MAF: variants seen among roughly 807,000 people sequenced by gnomAD.
MAF encodes MAF bZIP transcription factor, also known as transcription factor Maf.
A neutral mutation model predicts 22.0 loss-of-function variants in MAF; 10 were observed. The ratio of observed to expected loss-of-function variants is 0.45; its 90% CI spans 0.28 to 0.77. MAF has a LOEUF of 0.77. Among genes scored for constraint, MAF ranks in the 30% least tolerant of loss-of-function variants. The probability of loss-of-function intolerance (pLI) is 0.12; values close to 1 mark genes in which losing one functional copy is unlikely to be tolerated. For missense variants in MAF, 544 were observed against 548.4 expected (o/e 0.99, Z 0.08); for synonymous variants, 337 against 255.8 (o/e 1.32, Z -3.03).
At chr16:79,573,666 T>C in the MAF span, among the ~76,000 whole-genome samples, 5 of 152,218 alleles carry the variant, frequency 3.3e-5, no homozygotes, top group African/African-American at 1.2e-4. Context: ...CTTAAAATAA[T>C]TAAAGCTTAA....
At chr16:79,262,964 T>G in the MAF span, among the ~76,000 whole-genome samples, 1 of 152,296 alleles carries the variant, frequency 6.6e-6, no homozygotes, top group African/African-American at 2.4e-5. Flanking sequence ...AGATACACAT[T>G]TATCCCATAG....
At chr16:79,359,247 G>A in the MAF span, among the ~76,000 whole-genome samples, 1 of 152,116 alleles carries the variant, frequency 6.6e-6, no homozygotes, top group Non-Finnish European at 1.5e-5. Context: ...TCATCTTGTT[G>A]CCATGTACCC....
At chr16:79,371,160 G>A in the MAF span, among the ~76,000 whole-genome samples, 1 of 151,808 alleles carries the variant, frequency 6.6e-6, no homozygotes, top group African/African-American at 2.4e-5. Context: ...TGGTGGGAGT[G>A]CCTGGAGGGC....
the MAF span, among the ~76,000 whole-genome samples, chr16:79,532,204 C>A: frequency 6.6e-6 from 1 of 152,164 alleles, no homozygotes; most frequent in Non-Finnish European, 1.5e-5. Flanking sequence ...TCTCCAATTT[C>A]TTGGATGGAG....
At chr16:79,596,510 T>A in intron 1 of MAF, 1 of 1,050,434 alleles carries the variant, frequency 9.5e-7, no homozygotes, top group East Asian at 5.5e-5. Flanking sequence ...TATTGTAGAT[T>A]ATTCTTTTCT....
At chr16:79,276,031 C>A in the MAF span, among the ~76,000 whole-genome samples, 1 of 152,004 alleles carries the variant, frequency 6.6e-6, no homozygotes, top group African/African-American at 2.4e-5. Context: ...ATCCCACCTA[C>A]TCGGGAGGCT....
At chr16:79,264,331 G>C in the MAF span, 1 of 152,184 alleles carries the variant, frequency 6.6e-6, no homozygotes, top group Non-Finnish European at 1.5e-5. Context: ...CGGAGACTGT[G>C]CTAAACACAT....
chr16:79,550,127 C>G, the MAF span, among the ~76,000 whole-genome samples: 2 of 152,102 alleles, frequency 1.3e-5, no homozygotes, highest in Non-Finnish European at 2.9e-5. Flanking sequence ...CCTTTTGTTC[C>G]CCCAGGGCAT....
the MAF span, among the ~76,000 whole-genome samples, chr16:79,486,463 CAT>C: frequency 0.02 from 3,004 of 152,154 alleles, 80 homozygotes; most frequent in African/African-American, 0.065. Flanking sequence ...AAAACATAAA[CAT>C]AACAATATTT....
chr16:79,516,008 A>G, the MAF span: 1 of 146,462 alleles, frequency 6.8e-6, no homozygotes, highest in South Asian at 2.2e-4. Context: ...AATGAGGACC[A>G]GAGAGATGAA....
At chr16:79,375,982 A>G in the MAF span, among the ~76,000 whole-genome samples, 3 of 152,194 alleles carry the variant, frequency 2.0e-5, no homozygotes, top group African/African-American at 4.8e-5. Flanking sequence ...ATCCTTCACA[A>G]TGGAAAACAA....
At chr16:79,343,031 A>G in the MAF span, among the ~76,000 whole-genome samples, 6 of 152,172 alleles carry the variant, frequency 3.9e-5, no homozygotes, top group Non-Finnish European at 8.8e-5. Context: ...TCCTCTTGAC[A>G]CTACCTGATA....
chr16:79,229,530 T>C, the MAF span: 7 of 152,172 alleles, frequency 4.6e-5, no homozygotes, highest in African/African-American at 1.7e-4. Flanking sequence ...CAGAACATTA[T>C]GAACAGCCCG....
the MAF span, among the ~76,000 whole-genome samples, chr16:79,230,508 T>G: frequency 9.9e-5 from 15 of 152,144 alleles, no homozygotes; most frequent in Non-Finnish European, 2.2e-4. Context: ...GAAGAATGTT[T>G]CCAACCTGGA....
the MAF span, among the ~76,000 whole-genome samples, chr16:79,555,285 T>C: frequency 1.3e-5 from 2 of 152,216 alleles, no homozygotes; most frequent in Non-Finnish European, 2.9e-5. Context: ...CCATAGGCTC[T>C]GGTTTTTCAG....
the MAF span, among the ~76,000 whole-genome samples, chr16:79,302,199 C>T: frequency 6.6e-6 from 1 of 152,230 alleles, no homozygotes; most frequent in Admixed American, 6.5e-5. Flanking sequence ...CTTGGAATGA[C>T]TCAGGACTCC....
the MAF span, among the ~76,000 whole-genome samples, chr16:79,301,540 T>G: frequency 6.6e-6 from 1 of 152,214 alleles, no homozygotes; most frequent in Non-Finnish European, 1.5e-5. Context: ...TGAGGATGTT[T>G]TATATGCATT....
At chr16:79,364,409 G>A in the MAF span, among the ~76,000 whole-genome samples, 1 of 152,162 alleles carries the variant, frequency 6.6e-6, no homozygotes, top group Non-Finnish European at 1.5e-5. Context: ...CTAGTCAGAA[G>A]GAGACACACA....
At chr16:79,301,335 C>T in the MAF span, among the ~76,000 whole-genome samples, 2 of 152,012 alleles carry the variant, frequency 1.3e-5, no homozygotes, top group East Asian at 1.9e-4. Context: ...CTTCAAGCTG[C>T]GTTTGTGGAT....
Sources: allele counts gnomAD v4.1 joint callset (sites outside exome capture counted in the v4.1 genomes callset), GRCh38; gene constraint gnomAD v4.1.1; transcripts MANE v1.5; gene names NCBI Gene and HGNC (gene_info 2026-07-23, HGNC 2026-07-21).